The following DNAAF11 variants were observed in gnomAD, a reference collection of about 807,000 sequenced individuals.
DNAAF11 encodes dynein axonemal assembly factor 11.
Under a neutral mutation model 60.8 loss-of-function variants are expected in DNAAF11, and 45 were observed. The ratio of observed to expected loss-of-function variants is 0.74; its 90% CI spans 0.58 to 0.95. The LOEUF (loss-of-function observed/expected upper bound fraction) is 0.95, where lower values mean the gene tolerates loss of function less well. Among genes scored for constraint, DNAAF11 ranks in the 40% least tolerant of loss-of-function variants. The pLI, the probability that DNAAF11 is intolerant of heterozygous loss-of-function variation, is 0.00. For synonymous variants in DNAAF11, 191 were observed against 183.5 expected, an observed-to-expected ratio of 1.04 and a Z score of -0.33; for missense variants, 546 against 546.2, an observed-to-expected ratio of 1.00 and a Z score of 0.00.
intron 4 of DNAAF11, 106 bp from the exon 5 acceptor site, chr8:132,633,069 G>T: frequency 4.7e-6 from 3 of 634,796 alleles, no homozygotes; most frequent in Non-Finnish European, 8.1e-6. Flanking sequence ...TAGTGATAGA[G>T]AATTAAAACA....
intron 7 of DNAAF11, among the ~76,000 whole-genome samples, chr8:132,622,373 C>CT (rs1408767747): frequency 6.6e-6 from 1 of 152,134 alleles, no homozygotes; most frequent in Non-Finnish European, 1.5e-5. Context: ...ACATAAATAA[C>CT]TAAGATCTCC....
At chr8:132,695,953 C>A in the DNAAF11 span, among the ~76,000 whole-genome samples, 1 of 152,080 alleles carries the variant, frequency 6.6e-6, no homozygotes, top group Non-Finnish European at 1.5e-5. Context: ...GTGTCAGGAC[C>A]AGTGGAATTT....
intron 7 of DNAAF11, among the ~76,000 whole-genome samples, chr8:132,616,114 C>A (rs1819123969): frequency 6.6e-6 from 1 of 152,044 alleles, no homozygotes; most frequent in Admixed American, 6.6e-5. Flanking sequence ...TTTCCTATGG[C>A]AGAGATTGCT....
At chr8:132,612,637 C>A (rs766014646) in intron 8 of DNAAF11, among the ~76,000 whole-genome samples, 1 of 152,014 alleles carries the variant, frequency 6.6e-6, no homozygotes. Context: ...TGCCCTCCCC[C>A]ACAGGGCTCT....
At chr8:132,694,031 G>T in the DNAAF11 span, among the ~76,000 whole-genome samples, 2 of 152,202 alleles carry the variant, frequency 1.3e-5, no homozygotes, top group African/African-American at 4.8e-5. Flanking sequence ...TATGTTGACA[G>T]TATGCTCTAG....
In DNAAF11 at chr8:132,661,507, C is replaced by T. The variant is rs184555568; in HGVS notation, c.131G>A (p.Arg44Gln). 435 of 1,613,458 alleles carry T rather than the reference C, an allele frequency of 2.7e-4. No homozygotes were observed. In the East Asian group the frequency reaches 6.0e-3, roughly 22 times the overall value. Residue 44 changes from arginine to glutamine, a missense_variant, in exon 2 of 12, where the codon CGG becomes CAG. Coordinates refer to ENST00000620350, the MANE Select transcript of DNAAF11 (RefSeq NM_012472.6). ...TTGAAGATAGAGAATTTTTAAATCC[C>T]GGCACCATTTATCAATGTGTTCTAG... ...ERLEHIDKWC[R>Q]DLKILYLQNN...
At chr8:132,601,551 A>G (rs943875093) in intron 10 of DNAAF11, among the ~76,000 whole-genome samples, 2 of 152,240 alleles carry the variant, frequency 1.3e-5, no homozygotes, top group African/African-American at 2.4e-5. Flanking sequence ...AGACTGGATT[A>G]AGAAAATGTG....
At chr8:132,598,736 G>A (rs902380542) in intron 10 of DNAAF11, among the ~76,000 whole-genome samples, 4 of 152,150 alleles carry the variant, frequency 2.6e-5, no homozygotes, top group African/African-American at 9.7e-5. Flanking sequence ...TGAGAACAAA[G>A]ACACAACATA....
chr8:132,644,483 T>C (rs1002244990), intron 3 of DNAAF11, among the ~76,000 whole-genome samples: 1 of 152,050 alleles, frequency 6.6e-6, no homozygotes, highest in African/African-American at 2.4e-5. Context: ...TCACTGGGGC[T>C]TGTTGGACAA....
intron 11 of DNAAF11, among the ~76,000 whole-genome samples, chr8:132,573,702 C>T (rs190396223): frequency 6.6e-6 from 1 of 152,084 alleles, no homozygotes; most frequent in African/African-American, 2.4e-5. Context: ...CCATGAACAC[C>T]CTTTGTCAGG....
chr8:132,627,290 A>G (rs1820371699), intron 5 of DNAAF11, among the ~76,000 whole-genome samples: 1 of 152,230 alleles, frequency 6.6e-6, no homozygotes, highest in African/African-American at 2.4e-5. Context: ...TAATTATAAA[A>G]ACATAAAAAT....
chr8:132,599,471 C>CA (rs1347159668), intron 10 of DNAAF11, among the ~76,000 whole-genome samples: 1 of 152,020 alleles, frequency 6.6e-6, no homozygotes, highest in Non-Finnish European at 1.5e-5. Context: ...GACACAACAA[C>CA]AAAAAAGAGT....
Position 132,572,490 on chromosome 8 carries a change from C to T in DNAAF11, c.1227-10G>A, listed in dbSNP as rs938653147. The T allele has an allele frequency of 1.3e-6, 2 of 1,556,336 alleles. No individual in the cohort carries two copies. Among genetic ancestry groups the T allele is most frequent in the South Asian group, 1.2e-5 (1 of 81,902 alleles). ...CTCCATGTGCTTGCTTCTATAACAA[C>T]AAAAAAAGACAAACAGAAACTGATA... On this transcript the variant is annotated splice_polypyrimidine_tract_variant and intron_variant, in intron 11 of 11. Coordinates refer to ENST00000620350, the MANE Select transcript of DNAAF11 (RefSeq NM_012472.6).
At chr8:132,693,528 T>C in the DNAAF11 span, among the ~76,000 whole-genome samples, 3 of 151,964 alleles carry the variant, frequency 2.0e-5, no homozygotes, top group South Asian at 4.2e-4. Context: ...GTGTTGGAGA[T>C]ACAGCAGTAA....
At chr8:132,680,738 A>G in the DNAAF11 span, among the ~76,000 whole-genome samples, 1 of 140,690 alleles carries the variant, frequency 7.1e-6, no homozygotes, top group Non-Finnish European at 1.5e-5. Context: ...TTTCTTTTTT[A>G]CCCTCCCTTC....
intron 11 of DNAAF11, among the ~76,000 whole-genome samples, chr8:132,576,304 T>A (rs912189803): frequency 2.6e-5 from 4 of 152,218 alleles, no homozygotes; most frequent in Admixed American, 6.5e-5. Flanking sequence ...ATTCAATAAG[T>A]GTTTACTGAG....
At chr8:132,641,169 G>T (rs1821816265) in intron 3 of DNAAF11, among the ~76,000 whole-genome samples, 1 of 152,050 alleles carries the variant, frequency 6.6e-6, no homozygotes, top group South Asian at 2.1e-4. Flanking sequence ...GTATGATGAG[G>T]AATAGGATAT....
intron 4 of DNAAF11, among the ~76,000 whole-genome samples, chr8:132,634,834 T>C (rs1319379427): frequency 6.7e-6 from 1 of 150,240 alleles, no homozygotes; most frequent in Non-Finnish European, 1.5e-5. Context: ...CTGTATATTA[T>C]AACAAGCTAG....
chr8:132,694,037 T>C, the DNAAF11 span, among the ~76,000 whole-genome samples: 1 of 152,176 alleles, frequency 6.6e-6, no homozygotes, highest in Non-Finnish European at 1.5e-5. Context: ...GACAGTATGC[T>C]CTAGGAGCAA....
Sources: gnomAD v4.1 joint callset for allele counts (sites outside exome capture counted in the v4.1 genomes callset) on GRCh38, gnomAD v4.1.1 for gene constraint, MANE v1.5 for transcripts, NCBI Gene and HGNC (gene_info 2026-07-23, HGNC 2026-07-21) for gene names.